SH3D19: variants seen among roughly 807,000 people sequenced by gnomAD.
SH3D19 encodes SH3 domain-containing protein 19.
In SH3D19, 58 loss-of-function variants were observed where a neutral mutation model predicts 112.1. That is an observed-to-expected ratio of 0.52 (90% CI 0.42 to 0.64). SH3D19 has a LOEUF of 0.64. Ranked by LOEUF, SH3D19 falls within the 30% of genes least tolerant of loss-of-function variation. The probability of loss-of-function intolerance (pLI) is 0.00; values close to 1 mark genes in which losing one functional copy is unlikely to be tolerated. For missense variants in SH3D19, 1,090 were observed against 1,263.4 expected (o/e 0.86, Z 2.08); for synonymous variants, 391 against 448.5 (o/e 0.87, Z 1.62).
chr4:151,289,517 T>G (rs1775125721), intron 1 of SH3D19, among the ~76,000 whole-genome samples: 2 of 152,230 alleles, frequency 1.3e-5, no homozygotes, highest in South Asian at 4.1e-4. Flanking sequence ...CACTTGTAAC[T>G]CGATCATAAA....
intron 1 of SH3D19, among the ~76,000 whole-genome samples, chr4:151,324,612 CA>C (rs1201148278): frequency 6.6e-6 from 1 of 152,124 alleles, no homozygotes; most frequent in Non-Finnish European, 1.5e-5. Context: ...TTTGTGTACC[CA>C]AAACACAGTA....
At chr4:151,186,176 A>G (rs1761746352) in intron 3 of SH3D19, among the ~76,000 whole-genome samples, 1 of 152,196 alleles carries the variant, frequency 6.6e-6, no homozygotes, top group Non-Finnish European at 1.5e-5. Flanking sequence ...TCCATGTTCT[A>G]TTTTTAAAGA....
intron 2 of SH3D19, among the ~76,000 whole-genome samples, chr4:151,197,727 C>A (rs1188517847): frequency 1.4e-5 from 2 of 143,840 alleles, no homozygotes; most frequent in African/African-American, 5.0e-5. Context: ...TTGTCTCTCT[C>A]CATTCTTTAT....
At chr4:151,322,480 T>C (rs1473877213) in intron 1 of SH3D19, among the ~76,000 whole-genome samples, 1 of 141,388 alleles carries the variant, frequency 7.1e-6, no homozygotes, top group Admixed American at 7.2e-5. Context: ...ACCTCAGTAC[T>C]TGATTGCCTA....
chr4:151,271,096 T>A (rs1237779242), intron 1 of SH3D19, among the ~76,000 whole-genome samples: 1 of 152,106 alleles, frequency 6.6e-6, no homozygotes, highest in Non-Finnish European at 1.5e-5. Flanking sequence ...GCTAATTTTT[T>A]AATTTTTCTG....
chr4:151,246,503 C>T (rs1358978864), intron 1 of SH3D19, among the ~76,000 whole-genome samples: 1 of 152,144 alleles, frequency 6.6e-6, no homozygotes, highest in Non-Finnish European at 1.5e-5. Context: ...AAGTTTATGA[C>T]CTTTTCTCCA....
intron 2 of SH3D19, among the ~76,000 whole-genome samples, chr4:151,210,883 G>T (rs1175640419): frequency 6.6e-6 from 1 of 151,750 alleles, no homozygotes; most frequent in African/African-American, 2.4e-5. Flanking sequence ...GTTTGTTGTT[G>T]TTTTTTTCTT....
At chr4:151,234,627 G>C (rs1280223889) in intron 1 of SH3D19, among the ~76,000 whole-genome samples, 1 of 151,882 alleles carries the variant, frequency 6.6e-6, no homozygotes, top group African/African-American at 2.4e-5. Context: ...GTGATTTAAG[G>C]AGGTATAAAA....
chr4:151,318,631 G>A (rs1405479007), intron 1 of SH3D19, among the ~76,000 whole-genome samples: 5 of 152,162 alleles, frequency 3.3e-5, no homozygotes, highest in African/African-American at 1.2e-4. Flanking sequence ...CATAAAATAA[G>A]TGCTAATAAT....
At position 151,150,206 on chromosome 4, in the gene SH3D19, A is replaced by AAAAAAAAAT. The variant is rs1273707426; in HGVS notation, c.1756-646_1756-645insATTTTTTTT. ...TCTCAAAAAAAAAAAAAAAAAAAAA[A>AAAAAAAAAT]ATATATATATATATATATATATACA... On this transcript the variant is annotated intron_variant, in intron 9 of 19. Transcript: ENST00000604030. Among the ~76,000 whole-genome samples the AAAAAAAAAT allele has an allele frequency of 1.3e-3, 59 of 46,146 alleles. 2 individuals are homozygous for AAAAAAAAAT. Among genetic ancestry groups the AAAAAAAAAT allele is most frequent in the East Asian group, 2.9e-3 (3 of 1,044 alleles). The allele number at this position is 46,146 out of a possible 152,430, so 30.3% of individuals were successfully genotyped here. A position where few individuals can be genotyped will look rare whatever the true frequency, so the allele number is the denominator to read the frequency against.
Position 151,175,400 on chromosome 4 carries a change from C to A in SH3D19, c.804G>T (p.Leu268=), listed in dbSNP as rs751387401. 4.5e-6 allele frequency: 7 copies of A among 1,561,348 alleles called. No homozygotes were observed. The Admixed American group carries it at 1.1e-4, about 25-fold the overall frequency. The change falls in exon 7 of 20, where the codon CTG becomes CTT. Residue 268 remains leucine, a synonymous_variant. Coordinates refer to ENST00000604030, the MANE Select transcript of SH3D19 (RefSeq NM_001378122.1). ...TGTCTGAGGTGCTAGCGTTGTCCAG[C>A]AGAGACTGGGGCCGGCCTGGGGATG... ...EESSPGRPQS[L]LDNASTSDSQ... is the part of the protein sequence containing the mutation.
intron 15 of SH3D19, among the ~76,000 whole-genome samples, chr4:151,133,469 G>A (rs567495176): frequency 6.6e-6 from 1 of 152,284 alleles, no homozygotes; most frequent in African/African-American, 2.4e-5. Flanking sequence ...ACGCAGCTGG[G>A]TGGTTAGTTT....
chr4:151,166,516 T>C (rs1758058368), intron 7 of SH3D19, among the ~76,000 whole-genome samples: 1 of 151,556 alleles, frequency 6.6e-6, no homozygotes, highest in Non-Finnish European at 1.5e-5. Context: ...TAATGGGAAA[T>C]CTACAAGTAA....
At chr4:151,163,853 G>T (rs1176428082) in intron 8 of SH3D19, among the ~76,000 whole-genome samples, 2 of 152,092 alleles carry the variant, frequency 1.3e-5, no homozygotes, top group East Asian at 1.9e-4. Flanking sequence ...AAAGTGCAGG[G>T]ATTACAGGTG....
rs551873714 is a variant in SH3D19 at position 151,264,535 on chromosome 4, G to A, written c.113-38449C>T. ...CAACAAGGTGTGAATATCAGGAGCT[G>A]AAGATCATTGGAGGCCATCTTGAAG... On this transcript the variant is annotated intron_variant, in intron 1 of 19. Transcript: ENST00000604030. Among the ~76,000 whole-genome samples the A allele has an allele frequency of 4.6e-5, 7 of 152,052 alleles. No individual in the cohort carries two copies. In the South Asian group the frequency reaches 1.5e-3, roughly 32 times the overall value.
chr4:151,140,068 A>T, intron 12 of SH3D19: 1 of 474,748 alleles, frequency 2.1e-6, no homozygotes, highest in Non-Finnish European at 3.7e-6. Flanking sequence ...CAATTAAAAT[A>T]TCCCCCAGTA....
intron 1 of SH3D19, among the ~76,000 whole-genome samples, chr4:151,296,079 TTAAGAG>T (rs1775695733): frequency 6.6e-6 from 1 of 151,702 alleles, no homozygotes; most frequent in Non-Finnish European, 1.5e-5. Context: ...AAAATCGTTT[TTAAGAG>T]TAATAGGGAA....
intron 1 of SH3D19, among the ~76,000 whole-genome samples, chr4:151,293,193 G>A (rs568416118): frequency 1.7e-4 from 26 of 152,036 alleles, no homozygotes; most frequent in Admixed American, 3.9e-4. Flanking sequence ...TAGACTGGCC[G>A]GGTGTGGTGG....
At chr4:151,160,253 A>AT (rs1260724136) in intron 8 of SH3D19, among the ~76,000 whole-genome samples, 3 of 151,694 alleles carry the variant, frequency 2.0e-5, no homozygotes, top group Non-Finnish European at 4.4e-5. Flanking sequence ...CGCCTGCCTA[A>AT]TTTTTTTGTA....
Sources: allele counts gnomAD v4.1 joint callset (sites outside exome capture counted in the v4.1 genomes callset), GRCh38; gene constraint gnomAD v4.1.1; transcripts MANE v1.5; gene names NCBI Gene and HGNC (gene_info 2026-07-23, HGNC 2026-07-21).